Variants in FRMD4A observed in about 807,000 individuals in gnomAD.
FRMD4A encodes FERM domain containing 4A, also known as FERM domain-containing protein 4A.
A neutral mutation model predicts 129.1 loss-of-function variants in FRMD4A; 29 were observed. The ratio of observed to expected loss-of-function variants is 0.22; its 90% CI spans 0.17 to 0.31. The LOEUF (loss-of-function observed/expected upper bound fraction) is 0.31. FRMD4A is among the 10% of genes least tolerant of loss of function. The pLI is 1.00. For missense variants in FRMD4A, 1,272 were observed against 1,375.8 expected, an observed-to-expected ratio of 0.92 and a Z score of 1.19; for synonymous variants, 634 against 571.6, an observed-to-expected ratio of 1.11 and a Z score of -1.56.
At chr10:14,219,470 C>T (rs957394304) in intron 2 of FRMD4A, among the ~76,000 whole-genome samples, 4 of 152,212 alleles carry the variant, frequency 2.6e-5, no homozygotes, top group Non-Finnish European at 4.4e-5. Context: ...AGTAATATAA[C>T]TCTTCCTATT....
chr10:13,864,577 CTTTTTTTTTTTT>C (rs60899227), intron 2 of FRMD4A, among the ~76,000 whole-genome samples: 1 of 137,004 alleles, frequency 7.3e-6, no homozygotes, highest in African/African-American at 2.7e-5. Flanking sequence ...TTCTTTCTTT[CTTTTTTTTTTTT>C]TTTTGAGCCA....
At chr10:13,943,984 G>A (rs575422471) in intron 2 of FRMD4A, among the ~76,000 whole-genome samples, 3 of 152,280 alleles carry the variant, frequency 2.0e-5, no homozygotes, top group Admixed American at 6.5e-5. Flanking sequence ...AAGGGCACTC[G>A]ATATGTTCCT....
At chr10:13,674,760 A>T in intron 16 of FRMD4A, 151 bp downstream of exon 16, 1 of 821,850 alleles carries the variant, frequency 1.2e-6, no homozygotes, top group Non-Finnish European at 2.0e-6. Context: ...CGCCGCCCAG[A>T]TAGGCCCTCT....
At chr10:13,840,272 C>T (rs117357946) in intron 3 of FRMD4A, among the ~76,000 whole-genome samples, 1 of 151,978 alleles carries the variant, frequency 6.6e-6, no homozygotes, top group Non-Finnish European at 1.5e-5. Context: ...GGAAGAGAAC[C>T]AGGGATACTC....
intron 8 of FRMD4A, among the ~76,000 whole-genome samples, chr10:13,758,935 C>T (rs1369333037): frequency 1.3e-5 from 2 of 152,094 alleles, no homozygotes. Flanking sequence ...CGAATGTGGT[C>T]AATTTCGACG....
rs369701702 is a variant in FRMD4A at position 13,954,913 on chromosome 10, C to T, written c.46-96001G>A. Among the ~76,000 whole-genome samples the T allele has an allele frequency of 2.7e-4, 41 of 152,234 alleles. No homozygotes were observed. The South Asian group carries it at 6.4e-3, about 24-fold the overall frequency. On this transcript the variant is annotated intron_variant, in intron 2 of 24. Transcript: ENST00000357447. Reference sequence around the variant, plus strand: ...AGATTGTAAGTGGGCTAGAAATTATCGGCACATTATCTTTAAAAGCAATAT... The same window carrying T: ...AGATTGTAAGTGGGCTAGAAATTATTGGCACATTATCTTTAAAAGCAATAT...
intron 8 of FRMD4A, among the ~76,000 whole-genome samples, chr10:13,754,768 T>C (rs1379106190): frequency 6.6e-6 from 1 of 152,158 alleles, no homozygotes; most frequent in African/African-American, 2.4e-5. Flanking sequence ...TTAAAGTTAC[T>C]GTTAAGTTAC....
At chr10:13,906,260 G>T (rs544513152) in intron 2 of FRMD4A, among the ~76,000 whole-genome samples, 81 of 152,254 alleles carry the variant, frequency 5.3e-4, no homozygotes, top group African/African-American at 1.9e-3. Context: ...TTTTTTATCT[G>T]TCTATATAGC....
At chr10:13,757,745 C>T (rs991994426) in intron 8 of FRMD4A, among the ~76,000 whole-genome samples, 1 of 152,042 alleles carries the variant, frequency 6.6e-6, no homozygotes, top group African/African-American at 2.4e-5. Flanking sequence ...CTTTTGACTT[C>T]GTCTTTTTTT....
At chr10:14,093,946 A>T (rs548250840) in intron 2 of FRMD4A, among the ~76,000 whole-genome samples, 23 of 152,368 alleles carry the variant, frequency 1.5e-4, no homozygotes, top group African/African-American at 5.3e-4. Flanking sequence ...TGGGAAGAAG[A>T]TGCTTTTTTA....
chr10:13,791,269 A>T (rs2092993493), intron 5 of FRMD4A, among the ~76,000 whole-genome samples: 1 of 152,186 alleles, frequency 6.6e-6, no homozygotes, highest in African/African-American at 2.4e-5. Flanking sequence ...AGAGACCCTG[A>T]GCAGGCACCC....
chr10:13,867,837 TA>T (rs2094392975), intron 2 of FRMD4A, among the ~76,000 whole-genome samples: 1 of 137,818 alleles, frequency 7.3e-6, no homozygotes, highest in Admixed American at 8.0e-5. Context: ...TAATATATAA[TA>T]AATAATACAT....
At chr10:14,104,467 G>C (rs1837479056) in intron 2 of FRMD4A, among the ~76,000 whole-genome samples, 1 of 152,194 alleles carries the variant, frequency 6.6e-6, no homozygotes, top group African/African-American at 2.4e-5. Flanking sequence ...CTCTAAGCGG[G>C]TTTCCTTTCT....
intron 2 of FRMD4A, among the ~76,000 whole-genome samples, chr10:13,931,523 C>T (rs1038979626): frequency 1.3e-5 from 2 of 152,158 alleles, no homozygotes; most frequent in Non-Finnish European, 2.9e-5. Context: ...CAGGAAAGAC[C>T]TTCCTGACTC....
At chr10:13,861,577 A>G (rs1023533883) in intron 2 of FRMD4A, among the ~76,000 whole-genome samples, 4 of 152,224 alleles carry the variant, frequency 2.6e-5, no homozygotes, top group Non-Finnish European at 4.4e-5. Flanking sequence ...GAACAGATTA[A>G]ACACAGAGGA....
Position 13,734,001 on chromosome 10 carries a change from C to G in FRMD4A, c.759+3843G>C, listed in dbSNP as rs78133576. Among the ~76,000 whole-genome samples, 130 of 152,342 alleles carry G rather than the reference C, an allele frequency of 8.5e-4. No homozygotes were observed. The East Asian group carries it at 0.019, about 22-fold the overall frequency. On this transcript the variant is annotated intron_variant, in intron 12 of 24. Transcript: ENST00000357447. The stretch of plus-strand genomic sequence containing the variant: ...TGCCCAACTGCCTACTAGTCACAGG[C>G]ACCTGGATGTCCCATCAAGCCTGCC...
chr10:13,814,669 G>T (rs1483036968), intron 3 of FRMD4A, among the ~76,000 whole-genome samples: 1 of 148,344 alleles, frequency 6.7e-6, no homozygotes, highest in East Asian at 2.0e-4. Context: ...GAAACAGAGA[G>T]CAAGAGAAAG....
chr10:14,038,245 C>A (rs1833597917), intron 2 of FRMD4A, among the ~76,000 whole-genome samples: 1 of 152,152 alleles, frequency 6.6e-6, no homozygotes, highest in South Asian at 2.1e-4. Context: ...ATGGCATGAA[C>A]CCGGGCGGCG....
chr10:13,748,501 G>A (rs1671255526), intron 8 of FRMD4A, among the ~76,000 whole-genome samples: 1 of 152,094 alleles, frequency 6.6e-6, no homozygotes, highest in South Asian at 2.1e-4. Flanking sequence ...GCTCAAATGA[G>A]CATTTCCTTT....
Sources: allele counts gnomAD v4.1 joint callset (sites outside exome capture counted in the v4.1 genomes callset), GRCh38; gene constraint gnomAD v4.1.1; transcripts MANE v1.5; gene names NCBI Gene and HGNC (gene_info 2026-07-23, HGNC 2026-07-21).